Variants in TJP2 observed in about 807,000 individuals in gnomAD.
TJP2 encodes the protein tight junction protein 2.
In TJP2, 91 loss-of-function variants were observed where a neutral mutation model predicts 133.1. The ratio of observed to expected loss-of-function variants is 0.68; its 90% CI spans 0.58 to 0.81. TJP2 has a LOEUF of 0.81. Among genes scored for constraint, TJP2 ranks in the 40% least tolerant of loss-of-function variants. TJP2 has a pLI of 0.00. For missense variants in TJP2, 1,541 were observed against 1,565.6 expected, an observed-to-expected ratio of 0.98 and a Z score of 0.26; for synonymous variants, 592 against 583.4, an observed-to-expected ratio of 1.01 and a Z score of -0.21.
At chr9:69,250,882 C>G (rs1043573130) in intron 20 of TJP2, among the ~76,000 whole-genome samples, 153 bp from the exon 21 acceptor site, 1 of 152,174 alleles carries the variant, frequency 6.6e-6, no homozygotes, top group African/African-American at 2.4e-5. Flanking sequence ...TGGCCAGTGG[C>G]TGTTTGCCCT....
intron 2 of TJP2, among the ~76,000 whole-genome samples, chr9:69,159,730 T>A (rs1823963563): frequency 6.6e-6 from 1 of 151,786 alleles, no homozygotes; most frequent in Non-Finnish European, 1.5e-5. Flanking sequence ...TGCAAAAAAT[T>A]AGCCAGGTGG....
chr9:69,132,798 C>G (rs1023788209), intron 1 of TJP2, among the ~76,000 whole-genome samples: 2 of 152,072 alleles, frequency 1.3e-5, no homozygotes, highest in Admixed American at 1.3e-4. Context: ...CCCTAGGGTA[C>G]CTACCTGGTA....
intron 1 of TJP2, among the ~76,000 whole-genome samples, chr9:69,197,236 C>T (rs570458989): frequency 2.0e-5 from 3 of 152,136 alleles, no homozygotes; most frequent in Non-Finnish European, 4.4e-5. Flanking sequence ...AGATTACAGG[C>T]GTGAGCCATC....
chr9:69,233,755 C>T (rs755827296), intron 11 of TJP2, among the ~76,000 whole-genome samples: 3 of 151,472 alleles, frequency 2.0e-5, no homozygotes, highest in South Asian at 2.1e-4. Context: ...CCAGCCTGGG[C>T]GACAGAGGGA....
intron 1 of TJP2, among the ~76,000 whole-genome samples, chr9:69,181,181 A>G (rs959963520): frequency 3.3e-5 from 5 of 150,342 alleles, no homozygotes; most frequent in African/African-American, 1.2e-4. Context: ...AAGCAGCATT[A>G]GCTGCACCAC....
At chr9:69,121,967 G>C (rs1401645052) in intron 1 of TJP2, 1 of 152,418 alleles carries the variant, frequency 6.6e-6, no homozygotes, top group African/African-American at 2.4e-5. Flanking sequence ...TTTCTCTGCA[G>C]AGTGCGCTGT....
At chr9:69,132,812 T>C (rs975710603) in intron 1 of TJP2, among the ~76,000 whole-genome samples, 1 of 152,108 alleles carries the variant, frequency 6.6e-6, no homozygotes. Context: ...CCTGGTAGGC[T>C]TAGTGGGAGT....
rs369363181 is a variant in TJP2, at chr9:69,150,903, C to T, written c.-130-748C>T. Among the ~76,000 whole-genome samples, 398 of 152,212 alleles carry T rather than the reference C, an allele frequency of 2.6e-3. 1 individual carries two copies. The highest frequency in any genetic ancestry group is 8.9e-3 in the African/African-American group (370 of 41,520). On this transcript the variant is annotated intron_variant, in intron 1 of 5. Transcript: ENST00000423935. ...AATAGATAATAAAATGTGGTATATC[C>T]ATACAATGTAATATTATTTGGCCAT...
intron 1 of TJP2, among the ~76,000 whole-genome samples, chr9:69,137,244 TC>T (rs199831545): frequency 0.25 from 12,176 of 48,696 alleles, 966 homozygotes; most frequent in East Asian, 0.39. Flanking sequence ...TTTCTTTCTC[TC>T]TCTCTTTCTT....
At chr9:69,225,891 T>A (rs1829308540) in intron 6 of TJP2, 131 bp from the exon 7 acceptor site, 4 of 935,046 alleles carry the variant, frequency 4.3e-6, no homozygotes, top group Non-Finnish European at 6.5e-6. Context: ...TCATTTTTAT[T>A]GAGTCATCCT....
intron 2 of TJP2, among the ~76,000 whole-genome samples, chr9:69,168,800 C>CA (rs71507119): frequency 4.5e-4 from 62 of 136,830 alleles, no homozygotes; most frequent in South Asian, 7.2e-4. Context: ...GAAACTGTCT[C>CA]AAAAAAAAAA....
At chr9:69,154,111 C>A (rs1823619734) in intron 2 of TJP2, among the ~76,000 whole-genome samples, 1 of 152,136 alleles carries the variant, frequency 6.6e-6, no homozygotes, top group Admixed American at 6.5e-5. Flanking sequence ...TAAATGATTC[C>A]TTTGTGGTTG....
chr9:69,165,449 A>G (rs1824299899), intron 2 of TJP2, among the ~76,000 whole-genome samples: 1 of 152,046 alleles, frequency 6.6e-6, no homozygotes, highest in Non-Finnish European at 1.5e-5. Flanking sequence ...TTTGGATTCC[A>G]TCTGCTTGAG....
chr9:69,234,390 CT>C (rs766453684), intron 11 of TJP2, 48 bp from the exon 12 acceptor site: 2 of 1,328,820 alleles, frequency 1.5e-6, no homozygotes, highest in South Asian at 2.6e-5. Flanking sequence ...TTCTTTCTTT[CT>C]TTCTTTCTTT....
chr9:69,234,370 TTTTCTTTCTTTCTTTC>T (rs548512481), intron 11 of TJP2, 53 bp from the exon 12 acceptor site: 2 of 1,117,180 alleles, frequency 1.8e-6, no homozygotes, highest in East Asian at 5.0e-5. Context: ...CTTCTCTGTT[TTTTCTTTCTTTCTTTC>T]TTTCTTTCTT....
intron 5 of TJP2, 91 bp downstream of exon 5, chr9:69,221,587 T>C (rs1828865847): frequency 6.7e-7 from 1 of 1,503,502 alleles, no homozygotes; most frequent in African/African-American, 1.4e-5. Flanking sequence ...AAAGTGTTGC[T>C]CTGTCATCCA....
At position 69,249,366 on chromosome 9, in the gene TJP2, G is replaced by T; in HGVS notation, c.2881-9G>T. On this transcript the variant is annotated splice_polypyrimidine_tract_variant and intron_variant, in intron 19 of 22. Transcript: ENST00000377245. Reference sequence around the variant, plus strand: ...GTTCTTGTTGTGAATGAACCTTTATGTCTTGTAGAGCATAAGGAAACCCAG... The same window carrying T: ...GTTCTTGTTGTGAATGAACCTTTATTTCTTGTAGAGCATAAGGAAACCCAG... 6.2e-7 allele frequency: 1 copy of T among 1,602,610 alleles called. No individual in the cohort carries two copies. The highest frequency in any genetic ancestry group is 8.5e-7 in the Non-Finnish European group (1 of 1,173,682).
chr9:69,216,187 C>A, intron 2 of TJP2, 152 bp from the exon 3 acceptor site: 1 of 933,740 alleles, frequency 1.1e-6, no homozygotes, highest in Non-Finnish European at 1.6e-6. Flanking sequence ...AATGACTATG[C>A]TTTGTTTTGT....
chr9:69,179,552 A>G (rs1320933831), intron 1 of TJP2, among the ~76,000 whole-genome samples: 1 of 140,340 alleles, frequency 7.1e-6, no homozygotes, highest in African/African-American at 2.7e-5. Context: ...TCTGTCGCCC[A>G]GGCTGGAATG....
Sources: allele counts gnomAD v4.1 joint callset (sites outside exome capture counted in the v4.1 genomes callset), GRCh38; gene constraint gnomAD v4.1.1; transcripts MANE v1.5; gene names NCBI Gene and HGNC (gene_info 2026-07-23, HGNC 2026-07-21).